The following BMERB1 variants were observed in gnomAD, a reference collection of about 807,000 sequenced individuals.
BMERB1 encodes bMERB domain containing 1.
Under a neutral mutation model 23.6 loss-of-function variants are expected in BMERB1, and 12 were observed. The ratio of observed to expected loss-of-function variants is 0.51; its 90% confidence interval spans 0.33 to 0.82. BMERB1 has a LOEUF of 0.82. Ranked by LOEUF, BMERB1 falls within the 40% of genes least tolerant of loss-of-function variation. The pLI, the probability that BMERB1 is intolerant of heterozygous loss-of-function variation, is 0.03. For missense variants in BMERB1, 247 were observed against 255.4 expected (o/e 0.97, Z 0.22); for synonymous variants, 122 against 96.6 (o/e 1.26, Z -1.54).
chr16:15,502,147 T>G, intron 1 of BMERB1: 1 of 734,074 alleles, frequency 1.4e-6, no homozygotes, highest in Non-Finnish European at 2.3e-6. Context: ...GCCTGCGTCT[T>G]CACGTGCTGT....
intron 1 of BMERB1, among the ~76,000 whole-genome samples, chr16:15,441,415 G>A (rs999693470): frequency 3.3e-5 from 5 of 151,472 alleles, no homozygotes; most frequent in Non-Finnish European, 1.5e-5. Context: ...ACAGAGTCTC[G>A]TTCTCTTGCC....
intron 1 of BMERB1, among the ~76,000 whole-genome samples, chr16:15,466,150 A>G (rs1189707529): frequency 6.6e-6 from 1 of 152,184 alleles, no homozygotes; most frequent in African/African-American, 2.4e-5. Context: ...TTCAGTAAAC[A>G]TTGAGAAATT....
chr16:15,492,736 T>C (rs2051433473), intron 1 of BMERB1, among the ~76,000 whole-genome samples: 1 of 151,864 alleles, frequency 6.6e-6, no homozygotes, highest in Non-Finnish European at 1.5e-5. Flanking sequence ...TTCACCAACA[T>C]GGCGAAACCT....
rs1055904432 is a variant in BMERB1 at position 15,469,031 on chromosome 16, A to G, written c.106+34272A>G. Reference sequence around the variant, plus strand: ...TGCCCAGGCTGGAGTCCGGTGGTGCAGTCACAGCTCACTGCAACCTCCACC... The same window carrying G: ...TGCCCAGGCTGGAGTCCGGTGGTGCGGTCACAGCTCACTGCAACCTCCACC... On this transcript the variant is annotated intron_variant, in intron 1 of 5. Coordinates refer to ENST00000300006, the MANE Select transcript of BMERB1 (RefSeq NM_033201.3). Among the ~76,000 whole-genome samples the G allele has an allele frequency of 3.4e-5, 5 of 145,440 alleles. No individual in the cohort carries two copies. In the Admixed American group the frequency reaches 3.6e-4, roughly 10 times the overall value.
At chr16:15,481,104 G>C (rs1401364250) in intron 1 of BMERB1, among the ~76,000 whole-genome samples, 8 of 152,086 alleles carry the variant, frequency 5.3e-5, no homozygotes, top group African/African-American at 1.7e-4. Flanking sequence ...ATTTGGAAAA[G>C]AATGCAGAAG....
intron 1 of BMERB1, among the ~76,000 whole-genome samples, chr16:15,493,181 C>T (rs775926101): frequency 7.2e-5 from 11 of 151,822 alleles, no homozygotes; most frequent in African/African-American, 1.2e-4. Context: ...GGAGAAACCC[C>T]GTCTCCACTA....
At chr16:15,494,833 T>C (rs1489122046) in intron 1 of BMERB1, among the ~76,000 whole-genome samples, 2 of 152,056 alleles carry the variant, frequency 1.3e-5, no homozygotes, top group Non-Finnish European at 2.9e-5. Context: ...CTTAAAAAAG[T>C]TTTAAAAGGC....
chr16:15,452,092 C>T (rs1457950543), intron 1 of BMERB1, among the ~76,000 whole-genome samples: 1 of 151,468 alleles, frequency 6.6e-6, no homozygotes, highest in East Asian at 1.9e-4. Flanking sequence ...CCAGCCTGGG[C>T]AACACAGGGA....
At chr16:15,465,907 A>T (rs2051176591) in intron 1 of BMERB1, among the ~76,000 whole-genome samples, 1 of 152,196 alleles carries the variant, frequency 6.6e-6, no homozygotes, top group South Asian at 2.1e-4. Flanking sequence ...ATGTTGAAAC[A>T]TGTAGATCAA....
chr16:15,502,825 G>T (rs946475025), intron 1 of BMERB1, among the ~76,000 whole-genome samples: 27 of 152,264 alleles, frequency 1.8e-4, no homozygotes, highest in Admixed American at 9.2e-4. Flanking sequence ...GAGCTGCGGG[G>T]CTGTGGTCTC....
In BMERB1 at chr16:15,434,670, C is replaced by T. The variant is rs139998961; in HGVS notation, c.17C>T (p.Ser6Phe). The T allele has an allele frequency of 1.2e-6, 2 of 1,613,900 alleles. No homozygotes were observed. Among genetic ancestry groups the T allele is most frequent in the African/African-American group, 1.3e-5 (1 of 75,008 alleles). Residue 6 changes from serine to phenylalanine, a missense_variant, in exon 1 of 6, where the codon TCT becomes TTT. Coordinates refer to ENST00000300006, the MANE Select transcript of BMERB1 (RefSeq NM_033201.3). ...GGATCAGCGATGGAATTAAAGCAAT[C>T]TTTGTCCACCCATCTGGAAGCCGAG... MELKQ[S>F]LSTHLEAEKP...
intron 5 of BMERB1, 39 bp from the exon 6 acceptor site, chr16:15,586,678 C>T: frequency 6.6e-7 from 1 of 1,508,146 alleles, no homozygotes; most frequent in Non-Finnish European, 9.1e-7. Flanking sequence ...TCTCTCTGTT[C>T]CTTTCTCCCC....
intron 5 of BMERB1, among the ~76,000 whole-genome samples, chr16:15,586,303 T>A (rs1360093304): frequency 3.3e-5 from 5 of 152,128 alleles, no homozygotes; most frequent in Non-Finnish European, 5.9e-5. Flanking sequence ...GGTGGAGGTA[T>A]CTGAAAAGAC....
chr16:15,468,214 C>T (rs1168057064), intron 1 of BMERB1, among the ~76,000 whole-genome samples: 1 of 125,260 alleles, frequency 8.0e-6, no homozygotes, highest in Non-Finnish European at 1.6e-5. Context: ...GGCACGATCA[C>T]AGCTCACTAC....
At chr16:15,542,914 T>TA (rs1034347117) in intron 2 of BMERB1, among the ~76,000 whole-genome samples, 2 of 152,114 alleles carry the variant, frequency 1.3e-5, no homozygotes, top group African/African-American at 4.8e-5. Context: ...AGGGATGTGT[T>TA]ACAATTAATA....
At chr16:15,445,040 A>G (rs2050977362) in intron 1 of BMERB1, among the ~76,000 whole-genome samples, 1 of 152,078 alleles carries the variant, frequency 6.6e-6, no homozygotes, top group Non-Finnish European at 1.5e-5. Flanking sequence ...ACAGGTGCAC[A>G]CCACCACGTG....
intron 2 of BMERB1, among the ~76,000 whole-genome samples, chr16:15,520,992 C>T (rs2051846065): frequency 6.6e-6 from 1 of 151,902 alleles, no homozygotes; most frequent in African/African-American, 2.4e-5. Context: ...CTTGCTCCTC[C>T]CGAGTTCCTG....
At chr16:15,516,106 CAG>C (rs1432828327) in intron 2 of BMERB1, among the ~76,000 whole-genome samples, 6 of 151,992 alleles carry the variant, frequency 3.9e-5, no homozygotes, top group Non-Finnish European at 8.8e-5. Context: ...TCTTGGGTGA[CAG>C]AGAGAGGCAC....
chr16:15,459,268 A>G (rs574132560), intron 1 of BMERB1, among the ~76,000 whole-genome samples: 4 of 152,284 alleles, frequency 2.6e-5, no homozygotes, highest in Non-Finnish European at 5.9e-5. Flanking sequence ...GTGTAAATCC[A>G]ACCACATCAA....
Sources: gnomAD v4.1 joint callset for allele counts (sites outside exome capture counted in the v4.1 genomes callset) on GRCh38, gnomAD v4.1.1 for gene constraint, MANE v1.5 for transcripts, NCBI Gene and HGNC (gene_info 2026-07-23, HGNC 2026-07-21) for gene names.